The following ZMYND11 variants were observed in gnomAD, a reference collection of about 807,000 sequenced individuals.
ZMYND11 encodes the protein zinc finger MYND domain-containing protein 11.
Under a neutral mutation model 84.9 loss-of-function variants are expected in ZMYND11, and 9 were observed. The ratio of observed to expected loss-of-function variants is 0.11; its 90% confidence interval spans 0.06 to 0.18. The LOEUF is 0.18. Ranked by LOEUF, ZMYND11 falls within the 10% of genes least tolerant of loss-of-function variation. The probability of loss-of-function intolerance (pLI) is 1.00; values close to 1 mark genes in which losing one functional copy is unlikely to be tolerated. For missense variants in ZMYND11, 409 were observed against 761.0 expected, an observed-to-expected ratio of 0.54 and a Z score of 5.44; for synonymous variants, 250 against 244.1, an observed-to-expected ratio of 1.02 and a Z score of -0.23.
chr10:239,369 G>A lies in ZMYND11; in HGVS notation c.610-69G>A, dbSNP rs541609477. ...CATCCTAGAAAAGACTGCTTGTCCTGTGAACTTAGTCCAGACAAGTATTTT... is the reference window on the plus strand; with the variant it reads ...CATCCTAGAAAAGACTGCTTGTCCTATGAACTTAGTCCAGACAAGTATTTT... On this transcript the variant is annotated intron_variant, in intron 6 of 14. Transcript: ENST00000381604. 14 of 1,278,112 alleles carry A rather than the reference G, an allele frequency of 1.1e-5. No individual in the cohort carries two copies. The East Asian group carries it at 3.2e-4, about 30-fold the overall frequency. 79.2% of individuals were successfully genotyped at this position (1,278,112 alleles called of 1,614,324 possible). A position where few individuals can be genotyped will look rare whatever the true frequency, so the allele number is the denominator to read the frequency against.
At chr10:181,461 A>G (rs531088551) in intron 2 of ZMYND11, among the ~76,000 whole-genome samples, 1 of 152,318 alleles carries the variant, frequency 6.6e-6, no homozygotes, top group South Asian at 2.1e-4. Context: ...TCTGCCAAAG[A>G]TACAAAAATT....
chr10:185,511 C>T (rs1463255948), intron 2 of ZMYND11, among the ~76,000 whole-genome samples: 5 of 31,402 alleles, frequency 1.6e-4, no homozygotes, highest in South Asian at 1.1e-3. Context: ...AAAAAAAAAG[C>T]GTGGTGGGGG....
intron 1 of ZMYND11, among the ~76,000 whole-genome samples, chr10:152,647 T>G (rs566841794): frequency 1.3e-5 from 2 of 152,196 alleles, no homozygotes; most frequent in South Asian, 2.1e-4. Flanking sequence ...ACATTAGACA[T>G]ATCAATGAAA....
chr10:237,639 C>T lies in ZMYND11; in HGVS notation c.571C>T (p.Leu191=). The change falls in exon 6 of 15, where the codon CTG becomes TTG. Residue 191 remains leucine, a synonymous_variant. Transcript: ENST00000381604. ...KDNKHPMYRR[L]VHSAVDVPTI... is the part of the protein sequence containing the mutation. ...CAATAAACACCCGATGTACAGGAGG[C>T]TGGTGCACTCAGCTGTGGACGTTCC... is the stretch of plus-strand genomic sequence containing the variant. The T allele has an allele frequency of 6.2e-7, 1 of 1,613,618 alleles. No homozygotes were observed. Among genetic ancestry groups the T allele is most frequent in the Non-Finnish European group, 8.5e-7 (1 of 1,179,826 alleles).
chr10:213,102 T>G (rs913576198), intron 3 of ZMYND11, among the ~76,000 whole-genome samples: 10 of 152,140 alleles, frequency 6.6e-5, no homozygotes, highest in Admixed American at 4.6e-4. Context: ...TTTTTTAATG[T>G]ATGGCCAGTG....
rs971519180 is a variant in ZMYND11, at chr10:252,138, A to G, written c.1687-210A>G. On this transcript the variant is annotated intron_variant, in intron 14 of 14. Transcript: ENST00000381604. This position sits in a 1 kb window ranked among gnomAD's most constrained non-coding sequence, Gnocchi z 4.6. The stretch of plus-strand genomic sequence containing the variant: ...CGGGAGGTGTCAGGTACCACCTGAC[A>G]GCAGCTTGAGTTTGCTGACAACCAG... Among the ~76,000 whole-genome samples the G allele has an allele frequency of 3.3e-5, 5 of 152,206 alleles. No individual in the cohort carries two copies.
chr10:155,428 C>G (rs1554758485), intron 1 of ZMYND11, among the ~76,000 whole-genome samples: 1 of 152,102 alleles, frequency 6.6e-6, no homozygotes, highest in Non-Finnish European at 1.5e-5. Flanking sequence ...GCAGGAGGAT[C>G]TCTTGAGGCC....
At position 248,632 on chromosome 10, in the gene ZMYND11, T is replaced by TG. The variant is rs750346149; in HGVS notation, c.1500+25dup. On this transcript the variant is annotated intron_variant, in intron 13 of 14. Transcript: ENST00000381604. Reference sequence around the variant, plus strand: ...AGGTAATGCTTGTCGCCACTGTGGGTGCCCTGCTGCAGCCGGCACTCCTGT... The same window carrying TG: ...AGGTAATGCTTGTCGCCACTGTGGGTGGCCCTGCTGCAGCCGGCACTCCTGT... 4.4e-4 allele frequency: 694 copies of TG among 1,574,838 alleles called. 2 individuals carry two copies. Among genetic ancestry groups the TG allele is most frequent in the Non-Finnish European group, 5.5e-4 (641 of 1,162,466 alleles).
At chr10:239,097 C>T (rs1013550492) in intron 6 of ZMYND11, among the ~76,000 whole-genome samples, 2 of 152,166 alleles carry the variant, frequency 1.3e-5, no homozygotes, top group African/African-American at 2.4e-5. Flanking sequence ...AGGGTCTCAC[C>T]GCCCACACTG....
rs192510166 is a variant in ZMYND11 at position 218,498 on chromosome 10, A to G, written c.277-2697A>G. On this transcript the variant is annotated intron_variant, in intron 3 of 14. Transcript: ENST00000381604. The stretch of plus-strand genomic sequence containing the variant: ...TTCTCCAGGACAGCAGCCCCAAACA[A>G]GGTGAACTAATTTTGCACTATGTTA... The G allele has an allele frequency of 1.0e-5, 4 of 390,416 alleles. No homozygotes were observed. In the East Asian group the frequency reaches 3.6e-4, roughly 35 times the overall value. The allele number at this position is 390,416 out of a possible 1,614,324, so 24.2% of individuals were successfully genotyped here.
chr10:149,321 ATTATTT>A (rs2131293748), intron 1 of ZMYND11, among the ~76,000 whole-genome samples: 1 of 127,908 alleles, frequency 7.8e-6, no homozygotes, highest in South Asian at 2.5e-4. Context: ...TATTATTATT[ATTATTT>A]TTCAGACCAG....
chr10:136,241 G>T lies in ZMYND11; in HGVS notation c.-20+682G>T, dbSNP rs374840856. On this transcript the variant is annotated intron_variant, in intron 1 of 14. Coordinates refer to ENST00000381604, the MANE Select transcript of ZMYND11 (RefSeq NM_001370100.5). ...CTGCTGAGGACGCGGCTGGGACGAG[G>T]GGGGGCGCCGGGACCCGGACTTTCA... Among the ~76,000 whole-genome samples the T allele has an allele frequency of 1.4e-4, 21 of 152,282 alleles. No individual in the cohort carries two copies. In the South Asian group the frequency reaches 1.4e-3, roughly 11 times the overall value.
intron 1 of ZMYND11, among the ~76,000 whole-genome samples, chr10:169,978 T>G (rs1844909583): frequency 6.6e-6 from 1 of 152,010 alleles, no homozygotes; most frequent in Non-Finnish European, 1.5e-5. Context: ...GCAAAAATAT[T>G]ATACCTAAGC....
chr10:183,867 G>A (rs1439963810), intron 2 of ZMYND11, among the ~76,000 whole-genome samples: 1 of 152,100 alleles, frequency 6.6e-6, no homozygotes, highest in Non-Finnish European at 1.5e-5. Flanking sequence ...GGATCTTCTT[G>A]TACATATCCT....
chr10:144,849 T>C (rs949259439), intron 1 of ZMYND11, among the ~76,000 whole-genome samples: 4 of 150,516 alleles, frequency 2.7e-5, no homozygotes, highest in Non-Finnish European at 4.4e-5. Context: ...ACCCATCACC[T>C]GAGTAGTGTA....
At chr10:186,007 CTT>C (rs1302174625) in intron 2 of ZMYND11, among the ~76,000 whole-genome samples, 2 of 142,208 alleles carry the variant, frequency 1.4e-5, no homozygotes, top group Non-Finnish European at 1.5e-5. Context: ...ACACAGGATT[CTT>C]TTTTTTTTTT....
intron 4 of ZMYND11, among the ~76,000 whole-genome samples, chr10:234,792 A>G (rs1476201635): frequency 6.6e-6 from 1 of 152,194 alleles, no homozygotes; most frequent in Non-Finnish European, 1.5e-5. Flanking sequence ...CTGACAGTTC[A>G]TCAAACTGCT....
At chr10:162,448 T>C (rs2131513382) in intron 1 of ZMYND11, among the ~76,000 whole-genome samples, 1 of 152,284 alleles carries the variant, frequency 6.6e-6, no homozygotes, top group African/African-American at 2.4e-5. Context: ...GATTTTTTTT[T>C]TTTTTAAAGA....
chr10:185,191 G>T (rs529099284), intron 2 of ZMYND11, among the ~76,000 whole-genome samples: 4 of 152,122 alleles, frequency 2.6e-5, no homozygotes, highest in East Asian at 1.9e-4. Context: ...GCGAGTCTTT[G>T]TTGGGCATTT....
Sources: gnomAD v4.1 joint callset for allele counts (sites outside exome capture counted in the v4.1 genomes callset) on GRCh38, gnomAD v4.1.1 for gene constraint, Gnocchi (gnomAD v3.1) non-coding constraint, MANE v1.5 for transcripts, NCBI Gene and HGNC (gene_info 2026-07-23, HGNC 2026-07-21) for gene names.